Variants in RORA observed in about 807,000 individuals in gnomAD.
The protein encoded by RORA is nuclear receptor ROR-alpha.
A neutral mutation model predicts 69.5 loss-of-function variants in RORA; 7 were observed. The ratio of observed to expected loss-of-function variants is 0.10; its 90% CI spans 0.06 to 0.19. RORA has a LOEUF of 0.19. Among genes scored for constraint, RORA ranks in the 10% least tolerant of loss-of-function variants. The probability of loss-of-function intolerance (pLI) is 1.00; values close to 1 mark genes in which losing one functional copy is unlikely to be tolerated. For missense variants in RORA, 457 were observed against 663.0 expected, an observed-to-expected ratio of 0.69 and a Z score of 3.41; for synonymous variants, 261 against 240.8, an observed-to-expected ratio of 1.08 and a Z score of -0.78.
intron 1 of RORA, among the ~76,000 whole-genome samples, chr15:61,026,456 T>G (rs576210039): frequency 4.1e-4 from 62 of 152,338 alleles, no homozygotes; most frequent in African/African-American, 1.4e-3. Context: ...GTGTTTAAAC[T>G]TTCGGTATTT....
At chr15:60,916,957 C>T (rs1457382757) in intron 1 of RORA, among the ~76,000 whole-genome samples, 1 of 152,230 alleles carries the variant, frequency 6.6e-6, no homozygotes, top group African/African-American at 2.4e-5. Flanking sequence ...CAGTTCTACA[C>T]TGTTAGTGTT....
rs189172146 is a variant in RORA at position 60,903,869 on chromosome 15, A to G, written c.167-225183T>C. Among the ~76,000 whole-genome samples, 12 of 152,348 alleles carry G rather than the reference A, an allele frequency of 7.9e-5. No homozygotes were observed. In the East Asian group the frequency reaches 2.3e-3, roughly 29 times the overall value. ...AAAACTTCCACAGCAAACCTCTTAT[A>G]TAATGCTTTGTTGCTTCATTGATTT... On this transcript the variant is annotated intron_variant, in intron 1 of 10. Transcript: ENST00000335670.
intron 1 of RORA, among the ~76,000 whole-genome samples, chr15:60,719,488 G>A (rs904440126): frequency 2.6e-5 from 4 of 152,078 alleles, no homozygotes; most frequent in Admixed American, 1.3e-4. Flanking sequence ...TTCTTAAAAA[G>A]CACTAAAAAT....
intron 1 of RORA, chr15:60,841,192 T>TA: frequency 2.0e-6 from 1 of 504,782 alleles, no homozygotes; most frequent in Non-Finnish European, 2.6e-6. Flanking sequence ...CACACACCCA[T>TA]AGACTGCAAA....
At chr15:60,571,180 C>A (rs2067869819) in intron 2 of RORA, among the ~76,000 whole-genome samples, 1 of 151,458 alleles carries the variant, frequency 6.6e-6, no homozygotes, top group Non-Finnish European at 1.5e-5. Context: ...GTAGTAATTT[C>A]GATGTGCCTC....
chr15:61,148,955 A>C (rs1306605346), intron 1 of RORA, among the ~76,000 whole-genome samples: 1 of 152,216 alleles, frequency 6.6e-6, no homozygotes, highest in Non-Finnish European at 1.5e-5. Flanking sequence ...GGATAGACCC[A>C]TGATGGGGGC....
chr15:60,590,657 T>A (rs976372622), intron 2 of RORA, among the ~76,000 whole-genome samples: 6 of 151,696 alleles, frequency 4.0e-5, no homozygotes, highest in Admixed American at 2.6e-4. Context: ...GTTTCACACT[T>A]ACAGGGCTAA....
chr15:61,113,135 C>G (rs2079022188), intron 1 of RORA, among the ~76,000 whole-genome samples: 2 of 152,220 alleles, frequency 1.3e-5, no homozygotes, highest in Non-Finnish European at 2.9e-5. Flanking sequence ...GGGTTGCCCC[C>G]TGGAATAGGT....
chr15:60,963,752 C>T (rs1313454338), intron 1 of RORA, among the ~76,000 whole-genome samples: 1 of 152,174 alleles, frequency 6.6e-6, no homozygotes, highest in Non-Finnish European at 1.5e-5. Context: ...CTAGCACATT[C>T]CAGGAGACTC....
intron 1 of RORA, among the ~76,000 whole-genome samples, chr15:61,014,524 T>G (rs1373226918): frequency 1.3e-5 from 2 of 152,224 alleles, no homozygotes; most frequent in Non-Finnish European, 2.9e-5. Context: ...ATTCCTGTCT[T>G]CTAAGGAGTT....
intron 1 of RORA, among the ~76,000 whole-genome samples, chr15:61,126,313 T>C (rs2079142170): frequency 6.6e-6 from 1 of 152,244 alleles, no homozygotes; most frequent in Non-Finnish European, 1.5e-5. Flanking sequence ...CATGGTGAAA[T>C]GATTAAATCC....
At position 60,760,223 on chromosome 15, in the gene RORA, G is replaced by C. The variant is rs7169811; in HGVS notation, c.167-81537C>G. 8.8e-3 allele frequency among the ~76,000 whole-genome samples: 1,333 copies of C among 152,112 alleles called. 17 individuals carry two copies. Among genetic ancestry groups the C allele is most frequent in the East Asian group, 0.022 (112 of 5,170 alleles). On this transcript the variant is annotated intron_variant, in intron 1 of 10. Coordinates refer to ENST00000335670, the MANE Select transcript of RORA (RefSeq NM_134261.3). ...AGAAATGTCAATTGATCGTTGGGGT[G>C]GAGGAACTGTGCAGAGGATGAATGT...
intron 1 of RORA, among the ~76,000 whole-genome samples, chr15:60,979,702 CAT>C (rs1416775560): frequency 1.3e-5 from 2 of 150,162 alleles, no homozygotes; most frequent in Admixed American, 6.7e-5. Context: ...TTGTTGAACT[CAT>C]TAACTCTAAT....
intron 1 of RORA, among the ~76,000 whole-genome samples, chr15:61,016,830 C>G (rs1045892435): frequency 1.6e-4 from 24 of 151,976 alleles, no homozygotes; most frequent in African/African-American, 5.3e-4. Flanking sequence ...TGGAGTAGTC[C>G]CCCTGGTAAA....
chr15:60,605,262 G>A (rs528647188), intron 2 of RORA, among the ~76,000 whole-genome samples: 41 of 151,622 alleles, frequency 2.7e-4, no homozygotes, highest in African/African-American at 4.4e-4. Context: ...GCAATTCTTC[G>A]TAATGTAGTT....
Position 61,180,251 on chromosome 15 carries a change from G to C in RORA, c.166+48802C>G, listed in dbSNP as rs2079671144. The stretch of plus-strand genomic sequence containing the variant: ...GACAAGTAAAGGGAGGATCCAGGTA[G>C]GTAGCAGTACAAATACGTTTTCATC... On this transcript the variant is annotated intron_variant, in intron 1 of 10. Transcript: ENST00000335670. 2.0e-5 allele frequency among the ~76,000 whole-genome samples: 3 copies of C among 152,064 alleles called. No individual in the cohort carries two copies. The South Asian group carries it at 6.2e-4, about 32-fold the overall frequency.
chr15:60,855,762 G>A (rs1042526012), intron 1 of RORA, among the ~76,000 whole-genome samples: 2 of 139,824 alleles, frequency 1.4e-5, no homozygotes, highest in Non-Finnish European at 3.1e-5. Flanking sequence ...CTGCACAGGC[G>A]CCCGCCACCA....
chr15:61,012,683 T>C (rs1275443864), intron 1 of RORA, among the ~76,000 whole-genome samples: 1 of 152,142 alleles, frequency 6.6e-6, no homozygotes, highest in African/African-American at 2.4e-5. Context: ...AAGGTCTCAT[T>C]CTGTCACCGA....
chr15:60,979,268 C>CTTTTTTTTTTTTTTTTTT (rs767729204), intron 1 of RORA, among the ~76,000 whole-genome samples: 1 of 64,258 alleles, frequency 1.6e-5, no homozygotes, highest in African/African-American at 5.4e-5. Flanking sequence ...CTAGCCCTTG[C>CTTTTTTTTTTTTTTTTTT]TTTTTTTTTT....
Sources: gnomAD v4.1 joint callset for allele counts (sites outside exome capture counted in the v4.1 genomes callset) on GRCh38, gnomAD v4.1.1 for gene constraint, MANE v1.5 for transcripts, NCBI Gene and HGNC (gene_info 2026-07-23, HGNC 2026-07-21) for gene names.